LINGO2: variants seen among roughly 807,000 people sequenced by gnomAD.
The protein encoded by LINGO2 is leucine rich repeat and Ig domain containing 2.
Under a neutral mutation model 30.6 loss-of-function variants are expected in LINGO2, and 14 were observed. The ratio of observed to expected loss-of-function variants is 0.46; its 90% CI spans 0.30 to 0.72. The LOEUF (loss-of-function observed/expected upper bound fraction) is 0.72, where lower values mean the gene tolerates loss of function less well. LINGO2 is among the 30% of genes least tolerant of loss of function. The pLI is 0.07. For missense variants in LINGO2, 729 were observed against 751.7 expected, an observed-to-expected ratio of 0.97 and a Z score of 0.35; for synonymous variants, 317 against 288.5, an observed-to-expected ratio of 1.10 and a Z score of -1.00.
chr9:28,221,944 T>A (rs1439988726), intron 4 of LINGO2, among the ~76,000 whole-genome samples: 1 of 152,160 alleles, frequency 6.6e-6, no homozygotes, highest in African/African-American at 2.4e-5. Context: ...CCAGTCTAAA[T>A]CCATTTTGGA....
chr9:28,612,115 G>A (rs774458426), intron 1 of LINGO2, among the ~76,000 whole-genome samples: 1 of 152,098 alleles, frequency 6.6e-6, no homozygotes, highest in South Asian at 2.1e-4. Flanking sequence ...GTGAAAAAGT[G>A]CAATGGGGCA....
At chr9:28,401,360 C>T (rs1389708964) in intron 2 of LINGO2, among the ~76,000 whole-genome samples, 1 of 151,998 alleles carries the variant, frequency 6.6e-6, no homozygotes, top group African/African-American at 2.4e-5. Context: ...ATGTTCAACT[C>T]CCACTTATGA....
the LINGO2 span, among the ~76,000 whole-genome samples, chr9:28,728,461 A>T: frequency 6.6e-6 from 1 of 152,142 alleles, no homozygotes; most frequent in Non-Finnish European, 1.5e-5. Context: ...TAAATGAATA[A>T]ATCATATAAA....
At chr9:28,034,214 A>G (rs1197929) in intron 4 of LINGO2, among the ~76,000 whole-genome samples, 150,908 of 152,352 alleles carry the variant, frequency 0.99, 74,758 homozygotes, top group Middle Eastern at 1. Flanking sequence ...TCCCCAGTGT[A>G]CATCTTGTAA....
intron 1 of LINGO2, among the ~76,000 whole-genome samples, chr9:28,523,732 C>T (rs1302320431): frequency 6.6e-6 from 1 of 151,966 alleles, no homozygotes; most frequent in East Asian, 1.9e-4. Context: ...AGTACAAGAC[C>T]TGTACATTGA....
intron 5 of LINGO2, among the ~76,000 whole-genome samples, chr9:27,986,617 G>C (rs1272652967): frequency 1.3e-5 from 2 of 151,858 alleles, no homozygotes; most frequent in East Asian, 3.9e-4. Flanking sequence ...AGGAAAGAAA[G>C]GGACTGCAGG....
At chr9:28,494,162 A>G (rs1364775280) in intron 1 of LINGO2, among the ~76,000 whole-genome samples, 1 of 152,162 alleles carries the variant, frequency 6.6e-6, no homozygotes, top group African/African-American at 2.4e-5. Context: ...GGTTTTTGCC[A>G]TTACTTTTAA....
chr9:29,094,936 G>A, the LINGO2 span, among the ~76,000 whole-genome samples: 1 of 138,032 alleles, frequency 7.2e-6, no homozygotes, highest in Non-Finnish European at 1.6e-5. Context: ...AGTACATACA[G>A]TAATTTCTTA....
At chr9:28,443,674 T>C (rs565631617) in intron 2 of LINGO2, among the ~76,000 whole-genome samples, 1 of 152,318 alleles carries the variant, frequency 6.6e-6, no homozygotes, top group African/African-American at 2.4e-5. Context: ...CCTGCTACCT[T>C]GGCCCCCTCT....
At chr9:28,644,889 C>T (rs1223436977) in intron 1 of LINGO2, among the ~76,000 whole-genome samples, 1 of 151,958 alleles carries the variant, frequency 6.6e-6, no homozygotes, top group Non-Finnish European at 1.5e-5. Context: ...TAAGCAGAAG[C>T]ATCCTACATT....
At chr9:28,662,278 T>A (rs1001976288) in intron 1 of LINGO2, among the ~76,000 whole-genome samples, 2 of 152,166 alleles carry the variant, frequency 1.3e-5, no homozygotes, top group Non-Finnish European at 2.9e-5. Context: ...TAATCTTACT[T>A]GTATCCTTTT....
exon 6 of LINGO2, chr9:27,948,888 A>T: frequency 6.2e-7 from 1 of 1,612,976 alleles, no homozygotes; most frequent in Non-Finnish European, 8.5e-7. Flanking sequence ...GGGTCCAGCT[A>T]CCTCCCCTTC....
chr9:29,197,339 A>G, the LINGO2 span, among the ~76,000 whole-genome samples: 1 of 152,048 alleles, frequency 6.6e-6, no homozygotes, highest in African/African-American at 2.4e-5. Flanking sequence ...TCAAGTGTTA[A>G]TTAGATCATC....
intron 5 of LINGO2, among the ~76,000 whole-genome samples, chr9:27,972,755 A>G (rs904723718): frequency 6.6e-6 from 1 of 152,196 alleles, no homozygotes; most frequent in African/African-American, 2.4e-5. Flanking sequence ...ATTTTTCCAC[A>G]TGGACTACTC....
At chr9:28,277,395 GC>G (rs1479996035) in intron 4 of LINGO2, among the ~76,000 whole-genome samples, 1 of 151,994 alleles carries the variant, frequency 6.6e-6, no homozygotes, top group Non-Finnish European at 1.5e-5. Flanking sequence ...CTCTCCTAGG[GC>G]CTCCCTATTC....
chr9:28,190,786 G>C (rs1201242101), intron 4 of LINGO2, among the ~76,000 whole-genome samples: 1 of 152,152 alleles, frequency 6.6e-6, no homozygotes, highest in Non-Finnish European at 1.5e-5. Context: ...TATTCATTAG[G>C]AGGAGTTGGG....
the LINGO2 span, among the ~76,000 whole-genome samples, chr9:29,145,496 T>C: frequency 3.3e-5 from 5 of 152,096 alleles, no homozygotes; most frequent in African/African-American, 9.7e-5. Context: ...AAAAAATTCA[T>C]ACTACCATGA....
At chr9:28,949,327 T>C in the LINGO2 span, among the ~76,000 whole-genome samples, 5 of 152,028 alleles carry the variant, frequency 3.3e-5, no homozygotes, top group African/African-American at 1.2e-4. Context: ...AGCTGGGTTT[T>C]TGAAAAGATT....
intron 4 of LINGO2, among the ~76,000 whole-genome samples, chr9:28,127,584 T>C (rs539540843): frequency 3.9e-5 from 6 of 152,294 alleles, no homozygotes; most frequent in African/African-American, 1.4e-4. Flanking sequence ...ATGCTTCCCA[T>C]GGAATCGGAC....
Sources: gnomAD v4.1 joint callset for allele counts (sites outside exome capture counted in the v4.1 genomes callset) on GRCh38, gnomAD v4.1.1 for gene constraint, MANE v1.5 for transcripts, NCBI Gene and HGNC (gene_info 2026-07-23, HGNC 2026-07-21) for gene names.